IQCM: variants seen among roughly 807,000 people sequenced by gnomAD.
IQCM encodes the protein IQ domain-containing protein M.
In IQCM, 45 loss-of-function variants were observed where a neutral mutation model predicts 57.6. The ratio of observed to expected loss-of-function variants is 0.78; its 90% CI spans 0.62 to 1.00. The LOEUF (loss-of-function observed/expected upper bound fraction) is 1.00. Among genes scored for constraint, IQCM ranks in the 50% least tolerant of loss-of-function variants. IQCM has a pLI of 0.00. For missense variants in IQCM, 468 were observed against 511.6 expected (o/e 0.91, Z 0.82); for synonymous variants, 148 against 158.9 (o/e 0.93, Z 0.51).
intron 2 of IQCM, among the ~76,000 whole-genome samples, chr4:149,744,749 G>A (rs1183059407): frequency 6.6e-6 from 1 of 152,006 alleles, no homozygotes; most frequent in Non-Finnish European, 1.5e-5. Context: ...ACGAGATGCT[G>A]AGTCCTTCCT....
chr4:149,651,597 C>G (rs1344237547), intron 7 of IQCM, among the ~76,000 whole-genome samples: 2 of 151,904 alleles, frequency 1.3e-5, no homozygotes, highest in African/African-American at 4.8e-5. Flanking sequence ...TTTAAATGAA[C>G]TAACATACAA....
chr4:149,420,705 G>A (rs927085441), intron 13 of IQCM, among the ~76,000 whole-genome samples: 1 of 151,898 alleles, frequency 6.6e-6, no homozygotes, highest in African/African-American at 2.4e-5. Context: ...TGAAACCACA[G>A]ACACCAGGTT....
chr4:149,478,800 C>T (rs1740479219), intron 12 of IQCM, among the ~76,000 whole-genome samples: 1 of 152,124 alleles, frequency 6.6e-6, no homozygotes, highest in East Asian at 1.9e-4. Flanking sequence ...CTCCTTACAG[C>T]CAAATCAGTT....
intron 13 of IQCM, among the ~76,000 whole-genome samples, chr4:149,427,632 C>A (rs994723156): frequency 6.6e-6 from 1 of 151,854 alleles, no homozygotes; most frequent in African/African-American, 2.4e-5. Flanking sequence ...AAACTTTAGC[C>A]AGGTACAATA....
At chr4:149,650,780 C>A (rs141770609) in intron 7 of IQCM, among the ~76,000 whole-genome samples, 12 of 152,066 alleles carry the variant, frequency 7.9e-5, no homozygotes, top group African/African-American at 2.7e-4. Context: ...ACATCTTTTG[C>A]GGAAGTTTTA....
chr4:149,485,619 T>C (rs1741391618), intron 12 of IQCM, among the ~76,000 whole-genome samples: 1 of 152,092 alleles, frequency 6.6e-6, no homozygotes, highest in Admixed American at 6.6e-5. Context: ...TCATTCTCTA[T>C]GTTATCTTGA....
intron 7 of IQCM, among the ~76,000 whole-genome samples, chr4:149,664,181 T>A (rs1343377362): frequency 6.6e-6 from 1 of 152,142 alleles, no homozygotes; most frequent in African/African-American, 2.4e-5. Flanking sequence ...TTGGATTTCT[T>A]GTTCAGATAA....
chr4:149,576,048 CTTA>C, intron 9 of IQCM, among the ~76,000 whole-genome samples: 1 of 151,906 alleles, frequency 6.6e-6, no homozygotes, highest in Admixed American at 6.6e-5. Flanking sequence ...AGGAGCACTA[CTTA>C]TTATAAATTA....
intron 13 of IQCM, among the ~76,000 whole-genome samples, chr4:149,399,556 T>C (rs535213446): frequency 6.6e-6 from 1 of 152,190 alleles, no homozygotes; most frequent in East Asian, 1.9e-4. Context: ...ACACTAAAAA[T>C]AGATGAAAGG....
At chr4:149,487,422 T>C (rs534681701) in intron 12 of IQCM, among the ~76,000 whole-genome samples, 5 of 152,180 alleles carry the variant, frequency 3.3e-5, no homozygotes, top group Non-Finnish European at 7.4e-5. Context: ...AGCACTCCCT[T>C]GGCTGTGCCA....
chr4:149,655,365 T>C (rs1395456433), intron 7 of IQCM, among the ~76,000 whole-genome samples: 3 of 152,162 alleles, frequency 2.0e-5, no homozygotes, highest in African/African-American at 7.2e-5. Context: ...CACAAGTCTC[T>C]CTTAGAGATT....
At chr4:149,478,163 T>G (rs960482292) in intron 12 of IQCM, among the ~76,000 whole-genome samples, 1 of 152,130 alleles carries the variant, frequency 6.6e-6, no homozygotes, top group Non-Finnish European at 1.5e-5. Flanking sequence ...GAAAAGCACA[T>G]GAAAAGCCCC....
intron 8 of IQCM, among the ~76,000 whole-genome samples, chr4:149,601,331 A>G (rs1379313639): frequency 6.6e-6 from 1 of 152,174 alleles, no homozygotes; most frequent in Non-Finnish European, 1.5e-5. Context: ...CTTCAAATCT[A>G]TCTCTGATTG....
chr4:149,808,100 T>A (rs1774244314), intron 2 of IQCM, among the ~76,000 whole-genome samples: 1 of 152,114 alleles, frequency 6.6e-6, no homozygotes, highest in Non-Finnish European at 1.5e-5. Flanking sequence ...TTGGTATATT[T>A]AAGAGATATC....
At chr4:149,482,598 T>G (rs1447423014) in intron 12 of IQCM, among the ~76,000 whole-genome samples, 2 of 152,048 alleles carry the variant, frequency 1.3e-5, no homozygotes, top group Non-Finnish European at 2.9e-5. Flanking sequence ...TTGCATATGT[T>G]GAACCATCCT....
Position 149,733,003 on chromosome 4 carries a change from G to A in IQCM, c.385+241C>T, listed in dbSNP as rs1375159682. 3.3e-5 allele frequency among the ~76,000 whole-genome samples: 5 copies of A among 152,106 alleles called. No individual in the cohort carries two copies. In the East Asian group the frequency reaches 5.8e-4, roughly 18 times the overall value. On this transcript the variant is annotated intron_variant, in intron 5 of 13. Transcript: ENST00000636793. ...TTCACTAGGAAGAAGATCACTTCTGGAAGACATGGCTAACAAGTTTTGTTC... is the reference window on the plus strand; with the variant it reads ...TTCACTAGGAAGAAGATCACTTCTGAAAGACATGGCTAACAAGTTTTGTTC...
chr4:149,585,938 A>G (rs949104257), intron 9 of IQCM, among the ~76,000 whole-genome samples: 6 of 151,788 alleles, frequency 4.0e-5, no homozygotes, highest in African/African-American at 1.4e-4. Flanking sequence ...ATCCCTGAAA[A>G]ACTTACACAG....
intron 13 of IQCM, among the ~76,000 whole-genome samples, chr4:149,414,375 C>T (rs1273619752): frequency 1.3e-5 from 2 of 152,116 alleles, no homozygotes; most frequent in Non-Finnish European, 2.9e-5. Flanking sequence ...TTTCCTTTCA[C>T]GATGACAGTT....
At chr4:149,520,277 T>C (rs1305409026) in intron 12 of IQCM, among the ~76,000 whole-genome samples, 1 of 149,750 alleles carries the variant, frequency 6.7e-6, no homozygotes, top group Admixed American at 6.7e-5. Context: ...GTTTGAGTAA[T>C]GCACCCTGGC....
Sources: allele counts gnomAD v4.1 joint callset (sites outside exome capture counted in the v4.1 genomes callset), GRCh38; gene constraint gnomAD v4.1.1; transcripts MANE v1.5; gene names NCBI Gene and HGNC (gene_info 2026-07-23, HGNC 2026-07-21).